VWA3B: variants seen among roughly 807,000 people sequenced by gnomAD.
The protein encoded by VWA3B is von Willebrand factor A domain-containing protein 3B.
In VWA3B, 138 loss-of-function variants were observed where a neutral mutation model predicts 158.3. That is an observed-to-expected ratio of 0.87 (90% confidence interval 0.76 to 1.00). VWA3B has a LOEUF of 1.00. Among genes scored for constraint, VWA3B ranks in the 50% least tolerant of loss-of-function variants. The pLI, the probability that VWA3B is intolerant of heterozygous loss-of-function variation, is 0.00. For synonymous variants in VWA3B, 596 were observed against 587.3 expected (o/e 1.01, Z -0.21); for missense variants, 1,555 against 1,565.1 (o/e 0.99, Z 0.11).
chr2:98,153,740 G>C (rs540379687), intron 7 of VWA3B, among the ~76,000 whole-genome samples: 2 of 152,316 alleles, frequency 1.3e-5, no homozygotes, highest in Admixed American at 6.5e-5. Flanking sequence ...TGAATTCAGC[G>C]GATGGAGCCG....
At chr2:98,149,072 T>TA (rs1173191204) in intron 7 of VWA3B, among the ~76,000 whole-genome samples, 2 of 152,220 alleles carry the variant, frequency 1.3e-5, no homozygotes, top group Admixed American at 1.3e-4. Flanking sequence ...TTTTTGGGTT[T>TA]TGCTCCAAAT....
chr2:98,212,011 G>T lies in VWA3B; in HGVS notation c.1819G>T (p.Asp607Tyr), dbSNP rs371420742. 1 of 1,613,922 alleles carries T rather than the reference G, an allele frequency of 6.2e-7. No individual in the cohort carries two copies. The highest frequency in any genetic ancestry group is 8.5e-7 in the Non-Finnish European group (1 of 1,179,964). ...AACACAGGCAATCTACCTTCTGACC[G>T]ATGGGAGACCTGATCAGGTACTTAC... ...KETQAIYLLT[D>Y]GRPDQPPETV... Residue 607 changes from aspartate (D) to tyrosine (Y), a missense_variant, in exon 13 of 28, where the codon GAT becomes TAT. Coordinates refer to ENST00000477737, the MANE Select transcript of VWA3B (RefSeq NM_144992.5).
chr2:98,323,124 GACAA>G, the VWA3B span, among the ~76,000 whole-genome samples: 118 of 152,174 alleles, frequency 7.8e-4, 1 homozygote, highest in African/African-American at 2.7e-3. Flanking sequence ...TATGATAAAA[GACAA>G]ACATTCAATA....
At chr2:98,208,810 T>C (rs1207544369) in intron 12 of VWA3B, among the ~76,000 whole-genome samples, 4 of 152,274 alleles carry the variant, frequency 2.6e-5, no homozygotes, top group Non-Finnish European at 5.9e-5. Flanking sequence ...TTATCTATTA[T>C]GCTTACTTTT....
At position 98,256,049 on chromosome 2, in the gene VWA3B, G is replaced by A. The variant is rs376447709; in HGVS notation, c.2793-75G>A. On this transcript the variant is annotated intron_variant, in intron 20 of 27. Transcript: ENST00000477737. ...TGATGCTTAGATGGGCTCCCACTGC[G>A]GTGCCTGGGGTTAACCTTTTGCCAT... The A allele has an allele frequency of 5.6e-5, 87 of 1,543,596 alleles. No individual in the cohort carries two copies. The African/African-American group carries it at 9.3e-4, about 17-fold the overall frequency.
intron 2 of VWA3B, among the ~76,000 whole-genome samples, chr2:98,096,095 A>G (rs184575221): frequency 8.5e-5 from 13 of 152,158 alleles, no homozygotes; most frequent in Non-Finnish European, 1.8e-4. Flanking sequence ...TTTTGTTGTG[A>G]CCTTGCATGG....
intron 8 of VWA3B, among the ~76,000 whole-genome samples, chr2:98,174,460 G>C (rs1423332573): frequency 6.6e-6 from 1 of 152,150 alleles, no homozygotes; most frequent in Admixed American, 6.5e-5. Context: ...TTCTTTATTT[G>C]ACTTCACTCA....
rs766783753 is a variant in VWA3B at position 98,311,803 on chromosome 2, C to G, written c.3522-16C>G. ...GCCATCAAGGCAGGGTAACCCTGAT[C>G]TCTCTCTGTCTCTAGAGAGGATGTG... is the stretch of plus-strand genomic sequence containing the variant. On this transcript the variant is annotated splice_polypyrimidine_tract_variant and intron_variant, in intron 26 of 27. Coordinates refer to ENST00000477737, the MANE Select transcript of VWA3B (RefSeq NM_144992.5). The G allele has an allele frequency of 1.3e-6, 2 of 1,574,306 alleles. No homozygotes were observed. Among genetic ancestry groups the G allele is most frequent in the Non-Finnish European group, 8.6e-7 (1 of 1,160,782 alleles).
At chr2:98,210,937 C>A (rs573830663) in intron 12 of VWA3B, among the ~76,000 whole-genome samples, 10 of 152,280 alleles carry the variant, frequency 6.6e-5, no homozygotes, top group Admixed American at 5.9e-4. Context: ...AGATGCACAC[C>A]GATGCAGCTC....
At chr2:98,252,076 C>T (rs567808098) in intron 20 of VWA3B, among the ~76,000 whole-genome samples, 5 of 152,248 alleles carry the variant, frequency 3.3e-5, no homozygotes, top group East Asian at 1.9e-4. Context: ...GGTCTTTCAT[C>T]GCTTCTCACC....
intron 2 of VWA3B, among the ~76,000 whole-genome samples, chr2:98,107,730 A>G (rs1425338709): frequency 6.6e-6 from 1 of 151,916 alleles, no homozygotes; most frequent in Non-Finnish European, 1.5e-5. Context: ...TTTATTCTTG[A>G]TATCTGTAAT....
intron 2 of VWA3B, among the ~76,000 whole-genome samples, chr2:98,102,328 C>T (rs959832357): frequency 6.6e-6 from 1 of 152,128 alleles, no homozygotes; most frequent in African/African-American, 2.4e-5. Context: ...ACATTTCCCC[C>T]TTTTCTTTTC....
intron 23 of VWA3B, 34 bp downstream of exon 23, chr2:98,290,656 T>C: frequency 1.4e-6 from 2 of 1,435,250 alleles, no homozygotes; most frequent in Non-Finnish European, 1.9e-6. Flanking sequence ...GTGAGGCTTT[T>C]GTTAAATAAT....
chr2:98,256,255 A>G (rs1687136938), intron 21 of VWA3B, 81 bp downstream of exon 21: 10 of 1,429,566 alleles, frequency 7.0e-6, no homozygotes, highest in Admixed American at 6.4e-5. Flanking sequence ...AAAGTGTACA[A>G]TGCAGAGGTA....
At chr2:98,192,114 C>T (rs1411326389) in intron 10 of VWA3B, among the ~76,000 whole-genome samples, 1 of 152,222 alleles carries the variant, frequency 6.6e-6, no homozygotes, top group Non-Finnish European at 1.5e-5. Context: ...GTGCTGGCTT[C>T]ACTAGCTTGA....
chr2:98,163,511 C>G (rs1165176946), intron 8 of VWA3B, among the ~76,000 whole-genome samples: 1 of 152,104 alleles, frequency 6.6e-6, no homozygotes, highest in Admixed American at 6.5e-5. Flanking sequence ...GCACTCCAGC[C>G]TAGCAATGGA....
intron 21 of VWA3B, among the ~76,000 whole-genome samples, chr2:98,260,212 TTGGATA>T (rs1288021499): frequency 2.6e-5 from 4 of 151,712 alleles, no homozygotes; most frequent in Non-Finnish European, 5.9e-5. Flanking sequence ...ATGGGGTGTT[TTGGATA>T]TGTTTGTTAA....
Position 98,217,532 on chromosome 2 carries a change from G to A in VWA3B, c.1837-314G>A, listed in dbSNP as rs116894823. ...TCTTTTGTAGCCCAGCACTTTAAAT[G>A]CATGGACTGTAAGTTCAGGCACACC... On this transcript the variant is annotated intron_variant, in intron 13 of 27. Transcript: ENST00000477737. 6.6e-5 allele frequency among the ~76,000 whole-genome samples: 10 copies of A among 152,334 alleles called. No homozygotes were observed. In the East Asian group the frequency reaches 1.7e-3, roughly 26 times the overall value.
At chr2:98,111,502 T>G (rs902934155) in intron 2 of VWA3B, among the ~76,000 whole-genome samples, 2 of 152,184 alleles carry the variant, frequency 1.3e-5, no homozygotes, top group East Asian at 3.9e-4. Flanking sequence ...TTGTACTAAT[T>G]TACATTCCCA....
Sources: allele counts gnomAD v4.1 joint callset (sites outside exome capture counted in the v4.1 genomes callset), GRCh38; gene constraint gnomAD v4.1.1; transcripts MANE v1.5; gene names NCBI Gene and HGNC (gene_info 2026-07-23, HGNC 2026-07-21).